The following SP110 variants were observed in gnomAD, a reference collection of about 807,000 sequenced individuals.
SP110 encodes SP110 nuclear body protein, also known as interferon-induced protein 41, 30kD.
A neutral mutation model predicts 92.7 loss-of-function variants in SP110; 62 were observed. The observed-to-expected ratio is 0.67, with a 90% CI of 0.55 to 0.83. The LOEUF is 0.83. SP110 is among the 40% of genes least tolerant of loss of function. The pLI is 0.00. For synonymous variants in SP110, 273 were observed against 305.3 expected (o/e 0.89, Z 1.10); for missense variants, 793 against 863.9 (o/e 0.92, Z 1.03).
chr2:230,206,984 T>A (rs2043935611), intron 8 of SP110, among the ~76,000 whole-genome samples: 1 of 152,076 alleles, frequency 6.6e-6, no homozygotes, highest in East Asian at 1.9e-4. Context: ...TATTTATATA[T>A]CACAAGGGGT....
chr2:230,212,631 T>C, intron 4 of SP110, 130 bp downstream of exon 4: 1 of 1,261,402 alleles, frequency 7.9e-7, no homozygotes, highest in Non-Finnish European at 1.2e-6. Flanking sequence ...TTGAAAAGGG[T>C]TGTGTTTGGG....
intron 18 of SP110, 124 bp from the exon 19 acceptor site, chr2:230,169,361 T>C (rs1226724076): frequency 2.8e-6 from 2 of 708,586 alleles, no homozygotes; most frequent in African/African-American, 1.7e-5. Context: ...CAGGCTGTGG[T>C]GCAGTGGCAC....
At chr2:230,221,701 T>G (rs1308726571), upstream of SP110, 1 of 1,535,974 alleles carries the variant, frequency 6.5e-7, no homozygotes, top group East Asian at 2.4e-5. Context: ...CACATGTCAC[T>G]TACCTGAAGC....
In SP110 at chr2:230,211,209, TCTGTCC is replaced by T. The variant is rs2044432465; in HGVS notation, c.751+255_751+260del. Among the ~76,000 whole-genome samples, 4 of 152,190 alleles carry T rather than the reference TCTGTCC, an allele frequency of 2.6e-5. No homozygotes were observed. Among genetic ancestry groups the T allele is most frequent in the South Asian group, 2.1e-4 (1 of 4,828 alleles). ...CCAAACCTACAGGCACTGGTGGGGC[TCTGTCC>T]ATCATCATCCGTGGCCCTATCCAAG... On this transcript the variant is annotated intron_variant, in intron 6 of 18. Coordinates refer to ENST00000258381, the MANE Select transcript of SP110 (RefSeq NM_080424.4). This position sits in a 1 kb window ranked among gnomAD's most constrained non-coding sequence, Gnocchi z 4.2.
intron 14 of SP110, chr2:230,176,695 T>TAA (rs765534687): frequency 2.7e-5 from 44 of 1,613,940 alleles, no homozygotes; most frequent in Non-Finnish European, 3.5e-5. Flanking sequence ...TCTTGAGATT[T>TAA]ATTCTTGGAG....
chr2:230,171,543 T>C (rs576278106), intron 17 of SP110, 153 bp downstream of exon 17: 39 of 706,104 alleles, frequency 5.5e-5, no homozygotes, highest in Admixed American at 3.7e-4. Context: ...CTCCAGAGTG[T>C]GCAGCAAAAT....
intron 5 of SP110, among the ~76,000 whole-genome samples, 162 bp downstream of exon 5, chr2:230,212,185 T>G (rs922697048): frequency 6.6e-6 from 1 of 152,300 alleles, no homozygotes; most frequent in East Asian, 1.9e-4. Context: ...GTTGGTTTGT[T>G]TTGCATTGCT....
At chr2:230,175,600 T>C (rs1345032345) in intron 14 of SP110, among the ~76,000 whole-genome samples, 1 of 152,192 alleles carries the variant, frequency 6.6e-6, no homozygotes, top group African/African-American at 2.4e-5. Flanking sequence ...CAGGCCAGCC[T>C]CCAGGGCAAG....
rs199521985 is a variant in SP110 at position 230,170,682 on chromosome 2, G to A, written c.1967C>T (p.Thr656Met). The change falls in exon 18 of 19, where the codon ACG becomes ATG. Residue 656 changes from threonine to methionine, a missense_variant. By Grantham distance (81) the Thr-to-Met change is moderately conservative (BLOSUM62 -1). Coordinates refer to ENST00000258381, the MANE Select transcript of SP110 (RefSeq NM_080424.4). ...VKERLITEMY[T>M]VAWFVRDMRL... ...CATGTCTCGCACAAACCATGCCACCGTGTACATTTCCGTAATCAGCCTTTC... is the reference window on the plus strand; with the variant it reads ...CATGTCTCGCACAAACCATGCCACCATGTACATTTCCGTAATCAGCCTTTC... 2.0e-5 allele frequency: 32 copies of A among 1,613,920 alleles called. No homozygotes were observed. Among genetic ancestry groups the A allele is most frequent in the African/African-American group, 2.7e-5 (2 of 74,880 alleles).
intron 12 of SP110, among the ~76,000 whole-genome samples, chr2:230,179,820 GC>G (rs1394343428): frequency 6.6e-6 from 1 of 151,966 alleles, no homozygotes; most frequent in Non-Finnish European, 1.5e-5. Context: ...GGCTTTGGGG[GC>G]CACGGGTAGC....
intron 10 of SP110, among the ~76,000 whole-genome samples, chr2:230,195,111 A>C (rs1201097026): frequency 4.6e-5 from 7 of 151,938 alleles, no homozygotes; most frequent in Non-Finnish European, 1.0e-4. Flanking sequence ...TTTTTTCTAA[A>C]AAAGAAAAAA....
intron 14 of SP110, chr2:230,176,857 G>T: frequency 1.1e-6 from 1 of 903,684 alleles, no homozygotes; most frequent in Non-Finnish European, 1.8e-6. Flanking sequence ...AAGTCAAAAA[G>T]AAAAATTAGC....
intron 10 of SP110, among the ~76,000 whole-genome samples, chr2:230,199,128 C>CTATTAT (rs200457151): frequency 7.1e-6 from 1 of 140,286 alleles, no homozygotes; most frequent in African/African-American, 2.8e-5. Flanking sequence ...GCTTTAGCTA[C>CTATTAT]TATTATTATT....
At chr2:230,195,134 A>G (rs958245643) in intron 10 of SP110, among the ~76,000 whole-genome samples, 5 of 151,742 alleles carry the variant, frequency 3.3e-5, no homozygotes, top group Non-Finnish European at 5.9e-5. Flanking sequence ...CACATCTTTT[A>G]TGGCTACAAA....
At chr2:230,210,073 T>C in intron 6 of SP110, 65 bp from the exon 7 acceptor site, 1 of 967,594 alleles carries the variant, frequency 1.0e-6, no homozygotes, top group South Asian at 1.3e-5. Context: ...CTGAGGGAAG[T>C]CAATGCAAGA....
chr2:230,224,251 C>T (rs2046057381), upstream of SP110, among the ~76,000 whole-genome samples: 1 of 152,100 alleles, frequency 6.6e-6, no homozygotes, highest in Admixed American at 6.5e-5. Context: ...CAAAAATGTC[C>T]AGTTCATTGG....
chr2:230,204,849 A>C (rs2043591404), intron 8 of SP110, among the ~76,000 whole-genome samples: 2 of 152,282 alleles, frequency 1.3e-5, no homozygotes, highest in South Asian at 4.1e-4. Context: ...ATTTATGGGG[A>C]GTAGTGTAGG....
upstream of SP110, chr2:230,221,858 T>C (rs545135522): frequency 5.7e-5 from 49 of 857,992 alleles, no homozygotes; most frequent in African/African-American, 5.3e-4. Flanking sequence ...ATAAAGTCAA[T>C]GTCAAATCAG....
At chr2:230,216,303 C>T (rs1011078713) in intron 2 of SP110, among the ~76,000 whole-genome samples, 4 of 152,104 alleles carry the variant, frequency 2.6e-5, no homozygotes, top group African/African-American at 4.8e-5. Flanking sequence ...ATTAGGGTGA[C>T]CCTAAATCCA....
Sources: gnomAD v4.1 joint callset for allele counts (sites outside exome capture counted in the v4.1 genomes callset) on GRCh38, gnomAD v4.1.1 for gene constraint, Gnocchi (gnomAD v3.1) non-coding constraint, MANE v1.5 for transcripts, NCBI Gene and HGNC (gene_info 2026-07-23, HGNC 2026-07-21) for gene names.